The following SPTBN1 variants were observed in gnomAD, a reference collection of about 807,000 sequenced individuals.
The protein encoded by SPTBN1 is spectrin beta chain, non-erythrocytic 1.
A neutral mutation model predicts 266.4 loss-of-function variants in SPTBN1; 32 were observed. The ratio of observed to expected loss-of-function variants is 0.12; its 90% CI spans 0.09 to 0.16. The LOEUF (loss-of-function observed/expected upper bound fraction) is 0.16, where lower values mean the gene tolerates loss of function less well. Among genes scored for constraint, SPTBN1 ranks in the 10% least tolerant of loss-of-function variants. The pLI is 1.00. For missense variants in SPTBN1, 2,296 were observed against 3,067.1 expected (o/e 0.75, Z 5.94); for synonymous variants, 1,336 against 1,162.2 (o/e 1.15, Z -3.04).
chr2:54,497,764 A>G (rs1669044536), intron 1 of SPTBN1, among the ~76,000 whole-genome samples: 3 of 152,146 alleles, frequency 2.0e-5, no homozygotes, highest in African/African-American at 4.8e-5. Context: ...TATACTTCCT[A>G]TGTTTTGAAA....
rs1679772107 is a variant in SPTBN1, at chr2:54,644,194, T to C, written c.4006-129T>C. 7 of 1,184,432 alleles carry C rather than the reference T, an allele frequency of 5.9e-6. No homozygotes were observed. The South Asian group carries it at 7.7e-5, about 13-fold the overall frequency. The allele number at this position is 1,184,432 out of a possible 1,614,324, so 73.4% of individuals were successfully genotyped here. A position where few individuals can be genotyped will look rare whatever the true frequency, so the allele number is the denominator to read the frequency against. On this transcript the variant is annotated intron_variant, in intron 19 of 35. Coordinates refer to ENST00000356805, the MANE Select transcript of SPTBN1 (RefSeq NM_003128.3). The stretch of plus-strand genomic sequence containing the variant: ...TTGATTTTATTGAGCAGTAACTTCA[T>C]GTGGAAAGACTGTGTGTATTGAGTG...
Position 54,645,005 on chromosome 2 carries a change from T to C in SPTBN1, c.4270-224T>C, listed in dbSNP as rs912241285. On this transcript the variant is annotated intron_variant, in intron 20 of 35. Coordinates refer to ENST00000356805, the MANE Select transcript of SPTBN1 (RefSeq NM_003128.3). The surrounding 1 kb of genome is among the most constrained non-coding windows in gnomAD (Gnocchi z 4.3). ...TATAGGTAATAAAAATAACTGTTTA[T>C]ATTATATCACCGTAGAGGGCTTTAA... 1.3e-5 allele frequency among the ~76,000 whole-genome samples: 2 copies of C among 152,252 alleles called. No individual in the cohort carries two copies. Among genetic ancestry groups the C allele is most frequent in the Non-Finnish European group, 2.9e-5 (2 of 68,046 alleles).
At chr2:54,545,377 C>A (rs894884712) in intron 2 of SPTBN1, 13 of 152,176 alleles carry the variant, frequency 8.5e-5, no homozygotes, top group African/African-American at 3.1e-4. Flanking sequence ...ACTAGAAATA[C>A]CATTTGACCC....
Position 54,649,449 on chromosome 2 carries a change from C to A in SPTBN1, c.5203-166C>A. 8.5e-7 allele frequency: 1 copy of A among 1,174,390 alleles called. No individual in the cohort carries two copies. Among genetic ancestry groups the A allele is most frequent in the Non-Finnish European group, 1.2e-6 (1 of 855,692 alleles). The allele number at this position is 1,174,390 out of a possible 1,614,324, so 72.7% of individuals were successfully genotyped here. ...CTGCTGCAGTGAGCAAGAAAGGAAA[C>A]CCAGTTGCTAAGAGGTTCTCGAGCT... On this transcript the variant is annotated intron_variant, in intron 25 of 35. Transcript: ENST00000356805. This position sits in a 1 kb window ranked among gnomAD's most constrained non-coding sequence, Gnocchi z 6.7.
At chr2:54,463,846 G>A (rs1435727523) in intron 1 of SPTBN1, among the ~76,000 whole-genome samples, 1 of 152,076 alleles carries the variant, frequency 6.6e-6, no homozygotes, top group Non-Finnish European at 1.5e-5. Context: ...AATAGGAAAG[G>A]AAAATCTGAT....
intron 1 of SPTBN1, among the ~76,000 whole-genome samples, chr2:54,523,395 C>G (rs1670603405): frequency 6.6e-6 from 1 of 152,170 alleles, no homozygotes; most frequent in Non-Finnish European, 1.5e-5. Context: ...GTTTGAGTCA[C>G]AGATGTTGTG....
intron 17 of SPTBN1, 93 bp from the exon 18 acceptor site, chr2:54,637,620 G>A: frequency 9.8e-7 from 1 of 1,016,942 alleles, no homozygotes; most frequent in Non-Finnish European, 1.5e-6. Context: ...TTTTAGCATA[G>A]TTAGGAATTC....
chr2:54,482,123 G>A (rs998533690), intron 1 of SPTBN1, among the ~76,000 whole-genome samples: 2 of 152,056 alleles, frequency 1.3e-5, no homozygotes, highest in African/African-American at 2.4e-5. Context: ...GTGCCTGGTC[G>A]GATAGGGATT....
chr2:54,545,809 A>C (rs1051382758), intron 2 of SPTBN1, among the ~76,000 whole-genome samples: 12 of 152,074 alleles, frequency 7.9e-5, no homozygotes, highest in Admixed American at 6.6e-5. Context: ...TCAGACCTCT[A>C]AGATTGTGTA....
chr2:54,576,625 A>G (rs1674500858), intron 2 of SPTBN1, among the ~76,000 whole-genome samples: 1 of 152,224 alleles, frequency 6.6e-6, no homozygotes, highest in Non-Finnish European at 1.5e-5. Context: ...TAATTAGCCA[A>G]GAATAAGTGC....
At chr2:54,663,318 T>G (rs1681174758) in intron 32 of SPTBN1, 1 of 152,204 alleles carries the variant, frequency 6.6e-6, no homozygotes, top group Non-Finnish European at 1.5e-5. Flanking sequence ...TTCTCCATGT[T>G]TGTCTGTGTA....
intron 2 of SPTBN1, chr2:54,535,274 C>A (rs1297910793): frequency 2.0e-5 from 3 of 152,146 alleles, no homozygotes; most frequent in South Asian, 4.1e-4. Context: ...ATAAAATATA[C>A]CCCCTTTGAA....
chr2:54,532,283 C>CTGTCTCAAAATAT (rs1326991706), intron 2 of SPTBN1, among the ~76,000 whole-genome samples: 5 of 152,172 alleles, frequency 3.3e-5, no homozygotes, highest in Admixed American at 3.3e-4. Context: ...TATGAGACTC[C>CTGTCTCAAAATAT]GTCTCAAAAA....
intron 1 of SPTBN1, among the ~76,000 whole-genome samples, chr2:54,472,460 T>G (rs1482979723): frequency 6.6e-6 from 1 of 152,222 alleles, no homozygotes; most frequent in Admixed American, 6.5e-5. Context: ...GAATCTTGTC[T>G]TAGCTGATTC....
At chr2:54,636,887 A>G (rs1167501898) in intron 17 of SPTBN1, among the ~76,000 whole-genome samples, 7 of 152,232 alleles carry the variant, frequency 4.6e-5, no homozygotes, top group Non-Finnish European at 8.8e-5. Flanking sequence ...CCTATTGGAA[A>G]TGAAGCTCTC....
chr2:54,547,409 T>C (rs1360209511), intron 2 of SPTBN1, among the ~76,000 whole-genome samples: 1 of 152,242 alleles, frequency 6.6e-6, no homozygotes, highest in East Asian at 1.9e-4. Context: ...CGAATGATAC[T>C]GCAATGAACA....
At chr2:54,483,871 G>A (rs1001280411) in intron 1 of SPTBN1, among the ~76,000 whole-genome samples, 2 of 152,198 alleles carry the variant, frequency 1.3e-5, no homozygotes, top group South Asian at 2.1e-4. Flanking sequence ...CGCTGGTCAG[G>A]TTAGTGTTCT....
chr2:54,618,319 A>C, intron 7 of SPTBN1, 126 bp downstream of exon 7: 1 of 830,270 alleles, frequency 1.2e-6, no homozygotes, highest in Non-Finnish European at 1.9e-6. Flanking sequence ...AATTTTGGTT[A>C]TGGGAATTTT....
intron 3 of SPTBN1, among the ~76,000 whole-genome samples, chr2:54,604,682 G>A (rs1676719228): frequency 6.6e-6 from 1 of 152,158 alleles, no homozygotes; most frequent in Admixed American, 6.5e-5. Context: ...TTCCTCTCCT[G>A]TTTTAGAGCG....
Sources: gnomAD v4.1 joint callset for allele counts (sites outside exome capture counted in the v4.1 genomes callset) on GRCh38, gnomAD v4.1.1 for gene constraint, Gnocchi (gnomAD v3.1) non-coding constraint, MANE v1.5 for transcripts, NCBI Gene and HGNC (gene_info 2026-07-23, HGNC 2026-07-21) for gene names.